The following PTPRD variants were observed in gnomAD, a reference collection of about 807,000 sequenced individuals.
PTPRD encodes protein tyrosine phosphatase receptor type D, also known as receptor-type tyrosine-protein phosphatase delta.
Under a neutral mutation model 214.5 loss-of-function variants are expected in PTPRD, and 34 were observed. The ratio of observed to expected loss-of-function variants is 0.16; its 90% CI spans 0.12 to 0.21. The LOEUF is 0.21. Ranked by LOEUF, PTPRD falls within the 10% of genes least tolerant of loss-of-function variation. The pLI is 1.00. For missense variants in PTPRD, 2,545 were observed against 2,398.7 expected, an observed-to-expected ratio of 1.06 and a Z score of -1.27; for synonymous variants, 1,128 against 845.7, an observed-to-expected ratio of 1.33 and a Z score of -5.79.
chr9:8,772,455 C>G (rs2095271715), intron 11 of PTPRD, among the ~76,000 whole-genome samples: 1 of 151,832 alleles, frequency 6.6e-6, no homozygotes, highest in African/African-American at 2.4e-5. Flanking sequence ...TCAAGACCAG[C>G]CTGGGCAAGA....
chr9:8,360,679 T>C (rs1293470380), intron 39 of PTPRD, among the ~76,000 whole-genome samples: 1 of 152,228 alleles, frequency 6.6e-6, no homozygotes, highest in Non-Finnish European at 1.5e-5. Flanking sequence ...TGAATGTTGC[T>C]AATTGATTAG....
In PTPRD at chr9:10,474,731, G is replaced by A. The variant is rs1042633957; in HGVS notation, c.-599-133714C>T. ...TACTCTAAAACAGACCACATAATTT[G>A]AAGTAAAACACTACTCAGCAAATAC... On this transcript the variant is annotated intron_variant, in intron 2 of 45. Coordinates refer to ENST00000381196, the MANE Select transcript of PTPRD (RefSeq NM_002839.4). 3.9e-5 allele frequency among the ~76,000 whole-genome samples: 6 copies of A among 152,002 alleles called. No homozygotes were observed. In the East Asian group the frequency reaches 1.2e-3, roughly 29 times the overall value.
chr9:9,107,095 T>G (rs1203516868), intron 10 of PTPRD, among the ~76,000 whole-genome samples: 2 of 152,168 alleles, frequency 1.3e-5, no homozygotes, highest in Non-Finnish European at 2.9e-5. Context: ...ACAGATATAT[T>G]AGAAATTATT....
At chr9:9,965,101 G>A (rs1351360392) in intron 4 of PTPRD, among the ~76,000 whole-genome samples, 1 of 152,018 alleles carries the variant, frequency 6.6e-6, no homozygotes. Flanking sequence ...CACACACAAC[G>A]ACACACAGAG....
chr9:10,574,197 A>AGG (rs1567009923), intron 2 of PTPRD, among the ~76,000 whole-genome samples: 1 of 150,182 alleles, frequency 6.7e-6, no homozygotes, highest in Non-Finnish European at 1.5e-5. Flanking sequence ...GAAATGATAG[A>AGG]TGTGTGTGTG....
chr9:8,773,663 C>T (rs1390494567), intron 11 of PTPRD, among the ~76,000 whole-genome samples: 1 of 152,210 alleles, frequency 6.6e-6, no homozygotes, highest in Admixed American at 6.5e-5. Context: ...GAATTCCCAT[C>T]ATTAAAATAA....
chr9:9,441,842 T>A (rs1400388274), intron 8 of PTPRD, among the ~76,000 whole-genome samples: 1 of 152,248 alleles, frequency 6.6e-6, no homozygotes, highest in African/African-American at 2.4e-5. Flanking sequence ...TAAGGACAAT[T>A]GTTATAAGTG....
chr9:8,812,089 C>A (rs1046076259), intron 11 of PTPRD, among the ~76,000 whole-genome samples: 8 of 152,130 alleles, frequency 5.3e-5, no homozygotes, highest in African/African-American at 1.9e-4. Flanking sequence ...ATGTTCCTAT[C>A]CTACATATGG....
chr9:8,336,628 C>CAAAAAAAAA (rs764320816), intron 43 of PTPRD, among the ~76,000 whole-genome samples: 2 of 114,600 alleles, frequency 1.7e-5, no homozygotes, highest in East Asian at 2.7e-4. Context: ...TTCTGCAGAG[C>CAAAAAAAAA]AAAAAAAAAA....
chr9:9,463,277 A>T (rs2093831204), intron 8 of PTPRD, among the ~76,000 whole-genome samples: 2 of 152,178 alleles, frequency 1.3e-5, no homozygotes, highest in Admixed American at 1.3e-4. Context: ...ATTTGGAAAG[A>T]TAAACAGGAA....
intron 4 of PTPRD, among the ~76,000 whole-genome samples, chr9:9,998,129 A>AATATATATATATATATATATAT (rs1555449231): frequency 4.8e-4 from 44 of 91,438 alleles, no homozygotes; most frequent in African/African-American, 2.5e-3. Flanking sequence ...AAAAAAAAAA[A>AATATATATATATATATATATAT]ATATATATAT....
chr9:9,755,616 G>A (rs1452402600), intron 6 of PTPRD, among the ~76,000 whole-genome samples: 3 of 152,062 alleles, frequency 2.0e-5, no homozygotes, highest in Non-Finnish European at 2.9e-5. Flanking sequence ...ATAATCCTTC[G>A]CTACTGTTAC....
At chr9:9,240,297 G>C (rs2099969724) in intron 9 of PTPRD, among the ~76,000 whole-genome samples, 1 of 152,046 alleles carries the variant, frequency 6.6e-6, no homozygotes. Context: ...CTAGTCATTG[G>C]TTTAAACTAT....
intron 3 of PTPRD, among the ~76,000 whole-genome samples, chr9:10,117,179 G>T (rs925795306): frequency 6.6e-6 from 1 of 151,946 alleles, no homozygotes; most frequent in African/African-American, 2.4e-5. Flanking sequence ...TGCAACAAAA[G>T]AATGATATGT....
chr9:8,558,201 TCCAGG>T (rs2084747471), intron 14 of PTPRD, among the ~76,000 whole-genome samples: 1 of 152,218 alleles, frequency 6.6e-6, no homozygotes, highest in Non-Finnish European at 1.5e-5. Flanking sequence ...AAGGATTTCC[TCCAGG>T]ATCATTAATT....
At chr9:10,024,444 G>A (rs1010595834) in intron 4 of PTPRD, among the ~76,000 whole-genome samples, 3 of 152,002 alleles carry the variant, frequency 2.0e-5, no homozygotes, top group African/African-American at 7.2e-5. Context: ...CACTTTTATA[G>A]TAATTGTATA....
At chr9:8,510,630 C>T (rs2097658910) in intron 21 of PTPRD, among the ~76,000 whole-genome samples, 1 of 152,080 alleles carries the variant, frequency 6.6e-6, no homozygotes, top group South Asian at 2.1e-4. Context: ...CTAGATTCAG[C>T]ATATGGGCCA....
intron 3 of PTPRD, among the ~76,000 whole-genome samples, chr9:10,272,080 A>G (rs1008351671): frequency 2.0e-5 from 3 of 152,144 alleles, no homozygotes; most frequent in Non-Finnish European, 2.9e-5. Flanking sequence ...ACTCTTTAAC[A>G]GTCACTCATC....
intron 11 of PTPRD, among the ~76,000 whole-genome samples, chr9:8,796,078 C>A (rs2096411375): frequency 6.6e-6 from 1 of 152,104 alleles, no homozygotes; most frequent in African/African-American, 2.4e-5. Flanking sequence ...GAAGTTAAGC[C>A]TTTCCAAATA....
Sources: allele counts gnomAD v4.1 joint callset (sites outside exome capture counted in the v4.1 genomes callset), GRCh38; gene constraint gnomAD v4.1.1; transcripts MANE v1.5; gene names NCBI Gene and HGNC (gene_info 2026-07-23, HGNC 2026-07-21).